CADM2: variants seen among roughly 807,000 people sequenced by gnomAD.
CADM2 encodes cell adhesion molecule 2.
Under a neutral mutation model 49.8 loss-of-function variants are expected in CADM2, and 12 were observed. The observed-to-expected ratio is 0.24, with a 90% CI of 0.15 to 0.39. CADM2 has a LOEUF of 0.39. Among genes scored for constraint, CADM2 ranks in the 10% least tolerant of loss-of-function variants. CADM2 has a pLI of 1.00. For missense variants in CADM2, 378 were observed against 492.3 expected, an observed-to-expected ratio of 0.77 and a Z score of 2.20; for synonymous variants, 214 against 175.4, an observed-to-expected ratio of 1.22 and a Z score of -1.74.
At chr3:85,206,311 C>CTTT (rs546784330) in intron 1 of CADM2, among the ~76,000 whole-genome samples, 2 of 130,258 alleles carry the variant, frequency 1.5e-5, no homozygotes, top group African/African-American at 2.8e-5. Flanking sequence ...TTTTTCTTTT[C>CTTT]TTTTTTTTTT....
intron 1 of CADM2, among the ~76,000 whole-genome samples, chr3:85,108,767 A>G (rs1175654865): frequency 1.3e-5 from 2 of 152,164 alleles, no homozygotes; most frequent in East Asian, 3.8e-4. Flanking sequence ...AAATTGTTAC[A>G]GGAATTATTT....
At chr3:85,120,786 C>T (rs1223245454) in intron 1 of CADM2, among the ~76,000 whole-genome samples, 1 of 151,958 alleles carries the variant, frequency 6.6e-6, no homozygotes, top group East Asian at 1.9e-4. Context: ...TGTAACAAAC[C>T]TGCACGTTCT....
rs190393428 is a variant in CADM2, at chr3:85,036,872, C to T, written c.61+77204C>T. ...GATTGCTATTAAGATATGATTCTGGCCAGACGCTGTGGCTCATGCCTGTTA... is the reference window on the plus strand; with the variant it reads ...GATTGCTATTAAGATATGATTCTGGTCAGACGCTGTGGCTCATGCCTGTTA... On this transcript the variant is annotated intron_variant, in intron 1 of 9. Coordinates refer to ENST00000383699, the MANE Select transcript of CADM2 (RefSeq NM_001167675.2). Among the ~76,000 whole-genome samples, 411 of 151,934 alleles carry T rather than the reference C, an allele frequency of 2.7e-3. 4 individuals carry two copies. Among genetic ancestry groups the T allele is most frequent in the African/African-American group, 9.3e-3 (385 of 41,404 alleles).
At chr3:85,546,286 G>C (rs1490055742) in intron 1 of CADM2, among the ~76,000 whole-genome samples, 2 of 152,110 alleles carry the variant, frequency 1.3e-5, no homozygotes, top group African/African-American at 4.8e-5. Context: ...CACCTGCGGT[G>C]ATACTAAGGT....
chr3:85,903,745 T>C (rs996251605), intron 5 of CADM2, among the ~76,000 whole-genome samples: 1 of 152,196 alleles, frequency 6.6e-6, no homozygotes, highest in African/African-American at 2.4e-5. Context: ...TTCTTTCCTG[T>C]TGTCTCTGTT....
chr3:85,062,091 C>T (rs1406420055), intron 1 of CADM2, among the ~76,000 whole-genome samples: 44 of 149,546 alleles, frequency 2.9e-4, no homozygotes, highest in Non-Finnish European at 2.4e-4. Context: ...CACACACGCA[C>T]ACACACACAC....
At chr3:85,487,004 G>A (rs1336829892) in intron 1 of CADM2, among the ~76,000 whole-genome samples, 2 of 151,992 alleles carry the variant, frequency 1.3e-5, no homozygotes, top group Non-Finnish European at 2.9e-5. Flanking sequence ...GTTCCATGAG[G>A]ACAGGAAATT....
chr3:85,884,514 G>T (rs1713275069), intron 4 of CADM2, among the ~76,000 whole-genome samples: 2 of 152,102 alleles, frequency 1.3e-5, no homozygotes, highest in African/African-American at 4.8e-5. Context: ...GTATTGTTCT[G>T]TAGAGAGCCA....
intron 1 of CADM2, among the ~76,000 whole-genome samples, chr3:85,195,183 T>G (rs2041311668): frequency 1.3e-5 from 2 of 152,128 alleles, no homozygotes; most frequent in Admixed American, 1.3e-4. Context: ...AAAGCATTAC[T>G]TTTATAGTAA....
intron 1 of CADM2, among the ~76,000 whole-genome samples, chr3:85,180,648 T>C (rs1390457640): frequency 6.6e-6 from 1 of 152,136 alleles, no homozygotes; most frequent in Non-Finnish European, 1.5e-5. Flanking sequence ...TATCTATAAT[T>C]CACAAAGTTC....
At chr3:85,669,405 T>C (rs762587807) in intron 1 of CADM2, among the ~76,000 whole-genome samples, 23 of 152,198 alleles carry the variant, frequency 1.5e-4, no homozygotes, top group Admixed American at 8.5e-4. Flanking sequence ...TTGTAAGTGG[T>C]ATTGGGAAGT....
intron 3 of CADM2, among the ~76,000 whole-genome samples, chr3:85,881,522 C>G (rs1027709177): frequency 6.6e-6 from 1 of 152,058 alleles, no homozygotes; most frequent in Non-Finnish European, 1.5e-5. Flanking sequence ...TTCTAAGAAG[C>G]AGTTGCCCTG....
At chr3:85,423,171 A>G (rs2036252937) in intron 1 of CADM2, among the ~76,000 whole-genome samples, 1 of 152,034 alleles carries the variant, frequency 6.6e-6, no homozygotes, top group Non-Finnish European at 1.5e-5. Context: ...ACTCCTCTTG[A>G]TGTTCAGATG....
intron 1 of CADM2, among the ~76,000 whole-genome samples, chr3:85,231,430 A>C: frequency 7.8e-6 from 1 of 128,262 alleles, no homozygotes; most frequent in African/African-American, 3.6e-5. Context: ...GAAGAGAACA[A>C]ATAAGAAAAA....
chr3:85,668,295 C>CAAAAAAAAAAAAAAA (rs11447925), intron 1 of CADM2, among the ~76,000 whole-genome samples: 2 of 81,758 alleles, frequency 2.4e-5, no homozygotes, highest in Non-Finnish European at 5.0e-5. Context: ...AGTACCAAAG[C>CAAAAAAAAAAAAAAA]AAAAAAAAAA....
chr3:85,270,761 C>T (rs1316013811), intron 1 of CADM2, among the ~76,000 whole-genome samples: 1 of 151,248 alleles, frequency 6.6e-6, no homozygotes, highest in Admixed American at 6.6e-5. Context: ...ACTTATGTGC[C>T]ACTCATTCCA....
At chr3:85,974,932 G>T (rs147782002) in intron 8 of CADM2, among the ~76,000 whole-genome samples, 1,675 of 151,638 alleles carry the variant, frequency 0.011, 25 homozygotes, top group African/African-American at 0.037. Context: ...AACTTTATGT[G>T]TAGGCAAAAT....
rs140585306 is a variant in CADM2 at position 85,090,326 on chromosome 3, C to T, written c.61+130658C>T. On this transcript the variant is annotated intron_variant, in intron 1 of 9. Transcript: ENST00000383699. ...GTTTCTCAATTTAGTTATATGTATA[C>T]TATCTAATATTATGATTGCAGATAA... 5.9e-5 allele frequency among the ~76,000 whole-genome samples: 9 copies of T among 152,170 alleles called. No homozygotes were observed. The East Asian group carries it at 1.7e-3, about 29-fold the overall frequency.
chr3:85,949,988 G>A (rs115894891), intron 7 of CADM2, among the ~76,000 whole-genome samples: 5,062 of 151,030 alleles, frequency 0.034, 285 homozygotes, highest in African/African-American at 0.12. Flanking sequence ...TATGATGTAC[G>A]CAGGTTGATA....
Sources: allele counts gnomAD v4.1 joint callset (sites outside exome capture counted in the v4.1 genomes callset), GRCh38; gene constraint gnomAD v4.1.1; transcripts MANE v1.5; gene names NCBI Gene and HGNC (gene_info 2026-07-23, HGNC 2026-07-21).